TMEM132B: variants seen among roughly 807,000 people sequenced by gnomAD.
TMEM132B encodes the protein transmembrane protein 132B.
Under a neutral mutation model 90.8 loss-of-function variants are expected in TMEM132B, and 18 were observed. The ratio of observed to expected loss-of-function variants is 0.20; its 90% CI spans 0.14 to 0.29. TMEM132B has a LOEUF of 0.29. TMEM132B is among the 10% of genes least tolerant of loss of function. TMEM132B has a pLI of 1.00. For missense variants in TMEM132B, 1,096 were observed against 1,326.8 expected, an observed-to-expected ratio of 0.83 and a Z score of 2.70; for synonymous variants, 504 against 523.3, an observed-to-expected ratio of 0.96 and a Z score of 0.50.
intron 5 of TMEM132B, among the ~76,000 whole-genome samples, chr12:125,590,961 A>C (rs1885302364): frequency 6.6e-6 from 1 of 152,140 alleles, no homozygotes; most frequent in Admixed American, 6.5e-5. Context: ...ACCTCTGTAC[A>C]TCTAAAATTG....
intron 4 of TMEM132B, among the ~76,000 whole-genome samples, chr12:125,551,942 A>G (rs922236833): frequency 6.6e-6 from 1 of 152,144 alleles, no homozygotes; most frequent in Non-Finnish European, 1.5e-5. Flanking sequence ...GGCTGAGGAC[A>G]GTCTCTTCTG....
rs1022798563 is a variant in TMEM132B, at chr12:125,656,950, A to G, written c.*2240A>G. 6.6e-6 allele frequency: 1 copy of G among 152,252 alleles called. No individual in the cohort carries two copies. Among genetic ancestry groups the G allele is most frequent in the Non-Finnish European group, 1.5e-5 (1 of 68,054 alleles). 9.4% of individuals were successfully genotyped at this position (152,252 alleles called of 1,614,324 possible). A position where few individuals can be genotyped will look rare whatever the true frequency, so the allele number is the denominator to read the frequency against. The stretch of plus-strand genomic sequence containing the variant: ...TACAGCAGGGTCCTGCCCACTGGTA[A>G]AGTGAGACGTTGGGTAGGGGGTGTA... On this transcript the variant is annotated 3_prime_UTR_variant, in exon 9 of 9. Transcript: ENST00000682704.
chr12:125,263,520 C>T (rs975183548), intron 1 of TMEM132B, among the ~76,000 whole-genome samples: 4 of 152,186 alleles, frequency 2.6e-5, no homozygotes, highest in Non-Finnish European at 5.9e-5. Context: ...ACCTCAGACT[C>T]GGAGTAGTGC....
intron 1 of TMEM132B, among the ~76,000 whole-genome samples, chr12:125,235,800 TC>T (rs1452169762): frequency 2.3e-5 from 3 of 129,892 alleles, no homozygotes; most frequent in African/African-American, 5.9e-5. Context: ...AGCACTTCAT[TC>T]CTTTTTTTTT....
At chr12:125,613,796 A>G (rs1885921371) in intron 5 of TMEM132B, among the ~76,000 whole-genome samples, 1 of 152,078 alleles carries the variant, frequency 6.6e-6, no homozygotes, top group African/African-American at 2.4e-5. Flanking sequence ...TCAGAAGCAT[A>G]GAGAAGAGGT....
In TMEM132B at chr12:125,251,827, C is replaced by T. The variant is rs564707032; in HGVS notation, c.67+64961C>T. On this transcript the variant is annotated intron_variant, in intron 1 of 8. Transcript: ENST00000682704. This position sits in a 1 kb window ranked among gnomAD's most constrained non-coding sequence, Gnocchi z 4.4. ...CATGTGAAATTTCCCAAGTTTATAACGTTAATAATCATAATTTTAAAAATA... is the reference window on the plus strand; with the variant it reads ...CATGTGAAATTTCCCAAGTTTATAATGTTAATAATCATAATTTTAAAAATA... 7.2e-5 allele frequency among the ~76,000 whole-genome samples: 11 copies of T among 152,232 alleles called. No homozygotes were observed. The highest frequency in any genetic ancestry group is 3.9e-4 in the East Asian group (2 of 5,190).
intron 3 of TMEM132B, among the ~76,000 whole-genome samples, chr12:125,479,896 A>G (rs1416696398): frequency 6.6e-6 from 1 of 152,250 alleles, no homozygotes; most frequent in Non-Finnish European, 1.5e-5. Flanking sequence ...AACAGAAATC[A>G]TAACAAACTG....
intron 1 of TMEM132B, among the ~76,000 whole-genome samples, chr12:125,206,658 T>C (rs1873193639): frequency 6.6e-6 from 1 of 152,098 alleles, no homozygotes; most frequent in Admixed American, 6.6e-5. Flanking sequence ...CATTGCTCGG[T>C]TGCCTTGTGT....
Position 125,656,421 on chromosome 12 carries a change from C to T in TMEM132B, c.*1711C>T, listed in dbSNP as rs993496679. 1 of 152,248 alleles carries T rather than the reference C, an allele frequency of 6.6e-6. No homozygotes were observed. The highest frequency in any genetic ancestry group is 2.4e-5 in the African/African-American group (1 of 41,424). 9.4% of individuals were successfully genotyped at this position (152,248 alleles called of 1,614,324 possible). On this transcript the variant is annotated 3_prime_UTR_variant, in exon 9 of 9. Coordinates refer to ENST00000682704, the MANE Select transcript of TMEM132B (RefSeq NM_001366854.1). Reference sequence around the variant, plus strand: ...AACATGACAACCCCGCCTCCTCTAGCCATGACGTGGCAGCCAAAAAGTTCT... The same window carrying T: ...AACATGACAACCCCGCCTCCTCTAGTCATGACGTGGCAGCCAAAAAGTTCT...
In TMEM132B at chr12:125,459,009, A is replaced by G. The variant is rs1414309902; in HGVS notation, c.1106+43332A>G. On this transcript the variant is annotated intron_variant, in intron 3 of 8. Coordinates refer to ENST00000682704, the MANE Select transcript of TMEM132B (RefSeq NM_001366854.1). This position sits in a 1 kb window ranked among gnomAD's most constrained non-coding sequence, Gnocchi z 4.1. ...AGCTCAGATTCCCTGTGGTCCCCCC[A>G]TGTGCAATTAGCATCTTCGGGTGAC... Among the ~76,000 whole-genome samples the G allele has an allele frequency of 2.0e-5, 3 of 152,180 alleles. No individual in the cohort carries two copies. Among genetic ancestry groups the G allele is most frequent in the Non-Finnish European group, 2.9e-5 (2 of 68,028 alleles).
intron 1 of TMEM132B, among the ~76,000 whole-genome samples, chr12:125,343,473 T>C (rs1441261340): frequency 6.6e-6 from 1 of 152,210 alleles, no homozygotes; most frequent in African/African-American, 2.4e-5. Context: ...CTCCTTCAGA[T>C]GACCTCCAAA....
chr12:125,365,208 T>C (rs569595996), intron 2 of TMEM132B, among the ~76,000 whole-genome samples: 8 of 152,110 alleles, frequency 5.3e-5, no homozygotes, highest in African/African-American at 1.9e-4. Flanking sequence ...AGCTGCACTT[T>C]CTTGCATTAT....
chr12:125,618,411 G>A (rs1206333658), intron 5 of TMEM132B, among the ~76,000 whole-genome samples: 3 of 152,162 alleles, frequency 2.0e-5, no homozygotes, highest in Admixed American at 2.0e-4. Context: ...AATGTTGGTA[G>A]CCTGCCTCCC....
rs543516151 is a variant in TMEM132B at position 125,251,170 on chromosome 12, T to G, written c.67+64304T>G. 1.8e-4 allele frequency among the ~76,000 whole-genome samples: 27 copies of G among 152,156 alleles called. No homozygotes were observed. Among genetic ancestry groups the G allele is most frequent in the Non-Finnish European group, 3.1e-4 (21 of 68,022 alleles). On this transcript the variant is annotated intron_variant, in intron 1 of 8. Coordinates refer to ENST00000682704, the MANE Select transcript of TMEM132B (RefSeq NM_001366854.1). The surrounding 1 kb of genome is among the most constrained non-coding windows in gnomAD (Gnocchi z 4.4). ...GTCTTCCTGGGCTGGCCTGAGAGAT[T>G]AAGGATTTAATGGCATGGAGAAGGG...
rs59169625 is a variant in TMEM132B at position 125,421,094 on chromosome 12, T to A, written c.1106+5417T>A. ...ATTTTGGTCAAAGCCATTCAACAAA[T>A]CTTTAGGAAGTTCCAAACTTTCCCA... On this transcript the variant is annotated intron_variant, in intron 3 of 8. Transcript: ENST00000682704. 7.7e-3 allele frequency among the ~76,000 whole-genome samples: 1,174 copies of A among 152,302 alleles called. 16 individuals carry two copies. The highest frequency in any genetic ancestry group is 0.027 in the African/African-American group (1,120 of 41,548).
intron 2 of TMEM132B, among the ~76,000 whole-genome samples, chr12:125,392,792 G>A (rs778364177): frequency 2.0e-5 from 3 of 152,354 alleles, no homozygotes; most frequent in South Asian, 2.1e-4. Context: ...TGATTTCTCC[G>A]TCGCAGTGTC....
intron 1 of TMEM132B, among the ~76,000 whole-genome samples, chr12:125,269,498 C>A (rs1172701091): frequency 6.6e-6 from 1 of 152,172 alleles, no homozygotes; most frequent in Non-Finnish European, 1.5e-5. Context: ...TACCTGTGTC[C>A]TGAGGATTCT....
chr12:125,415,592 G>T lies in TMEM132B; in HGVS notation c.1021G>T (p.Ala341Ser). 6.2e-7 allele frequency: 1 copy of T among 1,614,210 alleles called. No individual in the cohort carries two copies. Reference sequence around the variant, plus strand: ...GAGAGTCAGCAGTGAGGACCAATGGGCAGTCCAGGAGGAAATTGATAATGG... The same window carrying T: ...GAGAGTCAGCAGTGAGGACCAATGGTCAGTCCAGGAGGAAATTGATAATGG... Reference protein sequence around the residue: ...AVRVSSEDQWAVQEEIDNGST... With the variant: ...AVRVSSEDQWSVQEEIDNGST... Residue 341 changes from alanine (A) to serine (S), a missense_variant, in exon 3 of 9, where the codon GCA becomes TCA. Coordinates refer to ENST00000682704, the MANE Select transcript of TMEM132B (RefSeq NM_001366854.1). This position sits in a 1 kb window ranked among gnomAD's most constrained non-coding sequence, Gnocchi z 5.3.
At chr12:125,441,943 C>T (rs1162894049) in intron 3 of TMEM132B, among the ~76,000 whole-genome samples, 1 of 152,198 alleles carries the variant, frequency 6.6e-6, no homozygotes, top group African/African-American at 2.4e-5. Flanking sequence ...AATCCAAATG[C>T]AGTATTTTTG....
Sources: allele counts gnomAD v4.1 joint callset (sites outside exome capture counted in the v4.1 genomes callset), GRCh38; gene constraint gnomAD v4.1.1; non-coding constraint Gnocchi (gnomAD v3.1); transcripts MANE v1.5; gene names NCBI Gene and HGNC (gene_info 2026-07-23, HGNC 2026-07-21).